The following CEP63 variants were observed in gnomAD, a reference collection of about 807,000 sequenced individuals.
CEP63 encodes centrosomal protein 63, also known as centrosomal protein of 63 kDa.
A neutral mutation model predicts 89.1 loss-of-function variants in CEP63; 84 were observed. The ratio of observed to expected loss-of-function variants is 0.94; its 90% CI spans 0.79 to 1.13. The LOEUF is 1.13. CEP63 is among the 50% of genes most tolerant of loss of function. The probability of loss-of-function intolerance (pLI) is 0.00; values close to 1 mark genes in which losing one functional copy is unlikely to be tolerated. For synonymous variants in CEP63, 267 were observed against 272.5 expected (o/e 0.98, Z 0.20); for missense variants, 838 against 813.3 (o/e 1.03, Z -0.37).
At chr3:134,596,256 A>G in the CEP63 span, among the ~76,000 whole-genome samples, 4 of 152,136 alleles carry the variant, frequency 2.6e-5, no homozygotes, top group African/African-American at 9.7e-5. Context: ...ATGCCTGACA[A>G]CCCTCTGCTA....
chr3:134,489,296 A>G (rs940798744), intron 1 of CEP63, among the ~76,000 whole-genome samples: 3 of 152,046 alleles, frequency 2.0e-5, no homozygotes, highest in Non-Finnish European at 4.4e-5. Context: ...AGAAAGTTGT[A>G]TTGAACAGCA....
chr3:134,690,505 C>T, the CEP63 span, among the ~76,000 whole-genome samples: 2 of 152,180 alleles, frequency 1.3e-5, no homozygotes, highest in African/African-American at 4.8e-5. Context: ...GATGCTGCCT[C>T]TGATGCCAGT....
At chr3:134,515,205 G>A (rs935527993) in intron 3 of CEP63, among the ~76,000 whole-genome samples, 10 of 152,058 alleles carry the variant, frequency 6.6e-5, no homozygotes, top group African/African-American at 2.4e-4. Context: ...TATCTTCCAT[G>A]CTAATAGAGA....
At chr3:134,505,711 ACCTAGTGGTGGCAGGAGGGG>A (rs1943285515) in intron 2 of CEP63, among the ~76,000 whole-genome samples, 1 of 152,000 alleles carries the variant, frequency 6.6e-6, no homozygotes, top group Admixed American at 6.6e-5. Context: ...ATTCTAAGTC[ACCTAGTGGTGGCAGGAGGGG>A]CTAGGCTGAT....
chr3:134,512,861 T>C (rs1167669023), intron 3 of CEP63, among the ~76,000 whole-genome samples: 3 of 152,246 alleles, frequency 2.0e-5, no homozygotes, highest in African/African-American at 7.2e-5. Context: ...TATTCACAGT[T>C]GAGTCAGGTA....
the CEP63 span, among the ~76,000 whole-genome samples, chr3:134,720,131 TTGTC>T: frequency 1.8e-4 from 27 of 152,200 alleles, no homozygotes; most frequent in Middle Eastern, 3.4e-3. Flanking sequence ...ACAAACACAA[TTGTC>T]TGTCTTTTAA....
chr3:134,530,090 G>A (rs1949558237), intron 3 of CEP63, among the ~76,000 whole-genome samples: 2 of 151,490 alleles, frequency 1.3e-5, no homozygotes, highest in South Asian at 4.2e-4. Flanking sequence ...AGCCAGGATG[G>A]TCTTGAGCTC....
At chr3:134,620,777 G>A in the CEP63 span, 2 of 1,613,712 alleles carry the variant, frequency 1.2e-6, no homozygotes, top group Non-Finnish European at 8.5e-7. Flanking sequence ...AGATCCAGAT[G>A]GCGCGGACCC....
At chr3:134,772,762 A>C in the CEP63 span, among the ~76,000 whole-genome samples, 1 of 152,054 alleles carries the variant, frequency 6.6e-6, no homozygotes, top group African/African-American at 2.4e-5. Flanking sequence ...ACAAGCCTGC[A>C]AGCTTTTCCT....
intron 10 of CEP63, among the ~76,000 whole-genome samples, chr3:134,585,080 T>C (rs926585121): frequency 6.6e-6 from 1 of 151,842 alleles, no homozygotes. Context: ...ATTCCTCTCT[T>C]CTTCTTTATT....
intron 2 of CEP63, among the ~76,000 whole-genome samples, chr3:134,500,524 T>C (rs1304368707): frequency 6.6e-6 from 1 of 152,218 alleles, no homozygotes; most frequent in East Asian, 1.9e-4. Flanking sequence ...ATCTCCAAAC[T>C]GCTTTCCACA....
At chr3:134,677,139 AGGCAGGAGAATTGCTTGAACCC>A in the CEP63 span, among the ~76,000 whole-genome samples, 40,036 of 151,686 alleles carry the variant, frequency 0.26, 5,424 homozygotes, top group African/African-American at 0.32. Context: ...GAGGAAGCTG[AGGCAGGAGAATTGCTTGAACCC>A]GGCAGGAGAA....
At chr3:134,486,026 T>G (rs748856312), upstream of CEP63, 86 of 930,352 alleles carry the variant, frequency 9.2e-5, no homozygotes, top group Non-Finnish European at 1.1e-4. Flanking sequence ...GTGTCTGCAC[T>G]CGCTTTCCTC....
chr3:134,499,190 T>C (rs986047205), intron 2 of CEP63, among the ~76,000 whole-genome samples: 1 of 152,236 alleles, frequency 6.6e-6, no homozygotes, highest in Non-Finnish European at 1.5e-5. Flanking sequence ...GGGAGACTTT[T>C]TATTCCTGGT....
the CEP63 span, among the ~76,000 whole-genome samples, chr3:134,670,612 T>C: frequency 4.6e-5 from 7 of 152,232 alleles, no homozygotes; most frequent in Admixed American, 2.0e-4. Flanking sequence ...TGGCTGTGGA[T>C]GAATGGACTA....
At position 134,564,204 on chromosome 3, in the gene CEP63, A is replaced by G. The variant is rs1957592091; in HGVS notation, c.*2669A>G. The G allele has an allele frequency of 3.1e-6, 3 of 974,738 alleles. No homozygotes were observed. The African/African-American group carries it at 5.3e-5, about 17-fold the overall frequency. The allele number at this position is 974,738 out of a possible 1,614,324, so 60.4% of individuals were successfully genotyped here. On this transcript the variant is annotated 3_prime_UTR_variant, in exon 15 of 15. Transcript: ENST00000675561. ...TGGTGGGATCCTCATCACCCAGCACAAGCCCAACACTTAGGAGAGGCTCAG... is the reference window on the plus strand; with the variant it reads ...TGGTGGGATCCTCATCACCCAGCACGAGCCCAACACTTAGGAGAGGCTCAG...
At chr3:134,502,285 T>TC (rs1034806917) in intron 2 of CEP63, among the ~76,000 whole-genome samples, 171 of 151,914 alleles carry the variant, frequency 1.1e-3, no homozygotes, top group Non-Finnish European at 2.0e-3. Context: ...GGTCTGTAGT[T>TC]TTTTTTTGTT....
rs11927068 is a variant in CEP63, at chr3:134,547,479, A to G, written c.1067+7A>G. The G allele has an allele frequency of 0.31, 505,863 of 1,610,868 alleles. 81,131 individuals are homozygous for G. Among genetic ancestry groups the G allele is most frequent in the African/African-American group, 0.36 (26,725 of 74,848 alleles). On this transcript the variant is annotated splice_region_variant and intron_variant, in intron 9 of 14. Transcript: ENST00000675561. ...TGACTTGTCTTGAAGGCAGGTACAT[A>G]ATTATACACACATTTCAAAAATTTC...
At chr3:134,604,501 G>A in the CEP63 span, 2 of 1,581,940 alleles carry the variant, frequency 1.3e-6, no homozygotes, top group Middle Eastern at 2.2e-4. Context: ...AGGGTCAGCA[G>A]AGATGGGTCC....
Sources: allele counts gnomAD v4.1 joint callset (sites outside exome capture counted in the v4.1 genomes callset), GRCh38; gene constraint gnomAD v4.1.1; transcripts MANE v1.5; gene names NCBI Gene and HGNC (gene_info 2026-07-23, HGNC 2026-07-21).